ADAMTSL1: variants seen among roughly 807,000 people sequenced by gnomAD.
The protein encoded by ADAMTSL1 is ADAMTS like 1, also known as ADAMTS-like protein 1.
A neutral mutation model predicts 201.8 loss-of-function variants in ADAMTSL1; 126 were observed. The ratio of observed to expected loss-of-function variants is 0.62; its 90% CI spans 0.54 to 0.72. ADAMTSL1 has a LOEUF of 0.72. Ranked by LOEUF, ADAMTSL1 falls within the 30% of genes least tolerant of loss-of-function variation. ADAMTSL1 has a pLI of 0.00. For missense variants in ADAMTSL1, 2,679 were observed against 2,277.8 expected (o/e 1.18, Z -3.59); for synonymous variants, 1,121 against 903.4 (o/e 1.24, Z -4.32).
intron 2 of ADAMTSL1, among the ~76,000 whole-genome samples, chr9:18,419,216 A>G (rs1818828756): frequency 6.6e-6 from 1 of 152,246 alleles, no homozygotes; most frequent in South Asian, 2.1e-4. Context: ...TCATTTATCT[A>G]AGTTCAAAGT....
chr9:18,033,061 C>G (rs995446330), intron 1 of ADAMTSL1, among the ~76,000 whole-genome samples: 3 of 152,124 alleles, frequency 2.0e-5, no homozygotes, highest in Non-Finnish European at 2.9e-5. Flanking sequence ...GCCATCTTGT[C>G]CCTTCCCAAT....
chr9:18,730,098 T>G (rs1184137984), intron 15 of ADAMTSL1, among the ~76,000 whole-genome samples: 1 of 152,220 alleles, frequency 6.6e-6, no homozygotes, highest in East Asian at 1.9e-4. Context: ...GGTAACAATT[T>G]AAGAGCAGGC....
At chr9:18,701,610 A>C (rs1831927585) in intron 13 of ADAMTSL1, among the ~76,000 whole-genome samples, 1 of 152,146 alleles carries the variant, frequency 6.6e-6, no homozygotes, top group African/African-American at 2.4e-5. Context: ...ACACAAACAT[A>C]CACCAAATCA....
intron 1 of ADAMTSL1, among the ~76,000 whole-genome samples, chr9:18,067,769 T>C (rs918923381): frequency 1.3e-5 from 2 of 152,012 alleles, no homozygotes; most frequent in African/African-American, 4.8e-5. Flanking sequence ...AAATAAGATC[T>C]ATGGAGGAAG....
intron 2 of ADAMTSL1, among the ~76,000 whole-genome samples, chr9:18,164,846 A>T (rs2132098464): frequency 6.6e-6 from 1 of 151,974 alleles, no homozygotes; most frequent in South Asian, 2.1e-4. Flanking sequence ...ATATTGTGTC[A>T]CATGTGTTTC....
intron 15 of ADAMTSL1, among the ~76,000 whole-genome samples, chr9:18,728,081 AAAATAAATAAATAAATAAAT>A (rs61237330): frequency 5.7e-4 from 82 of 144,068 alleles, no homozygotes; most frequent in Middle Eastern, 3.5e-3. Flanking sequence ...CTCTGTCTCA[AAAATAAATAAATAAATAAAT>A]AAATAAATAA....
chr9:18,431,107 A>T (rs60521848), intron 2 of ADAMTSL1, among the ~76,000 whole-genome samples: 2,081 of 152,318 alleles, frequency 0.014, 50 homozygotes, highest in African/African-American at 0.046. Flanking sequence ...CACTACACAC[A>T]TGCCACACCT....
chr9:18,053,428 A>G (rs765373121), intron 1 of ADAMTSL1, among the ~76,000 whole-genome samples: 5 of 152,248 alleles, frequency 3.3e-5, no homozygotes, highest in Non-Finnish European at 7.3e-5. Context: ...GTATTTCTAG[A>G]AATTATATGA....
At chr9:18,026,184 C>T (rs57471476) in intron 1 of ADAMTSL1, among the ~76,000 whole-genome samples, 4,342 of 151,914 alleles carry the variant, frequency 0.029, 99 homozygotes, top group African/African-American at 0.068. Flanking sequence ...TTTTTCTATT[C>T]GGATGTCTTT....
chr9:18,294,045 T>C (rs1028727420), intron 2 of ADAMTSL1, among the ~76,000 whole-genome samples: 13 of 152,230 alleles, frequency 8.5e-5, no homozygotes, highest in Non-Finnish European at 1.5e-4. Flanking sequence ...TCCAGCTGCA[T>C]GGGCTTACGA....
intron 3 of ADAMTSL1, among the ~76,000 whole-genome samples, chr9:18,544,905 A>G (rs1325463907): frequency 6.6e-6 from 1 of 152,228 alleles, no homozygotes; most frequent in Non-Finnish European, 1.5e-5. Context: ...CAACTGATGA[A>G]GAGAATTAAG....
intron 1 of ADAMTSL1, among the ~76,000 whole-genome samples, chr9:17,985,573 T>C (rs1435773393): frequency 6.6e-6 from 1 of 152,146 alleles, no homozygotes; most frequent in Non-Finnish European, 1.5e-5. Context: ...ATTGGTTGAC[T>C]GAAATGTAGA....
intron 1 of ADAMTSL1, among the ~76,000 whole-genome samples, chr9:18,021,786 G>A (rs901332219): frequency 1.3e-5 from 2 of 152,032 alleles, no homozygotes; most frequent in Admixed American, 6.5e-5. Context: ...TAAGCTTATT[G>A]CAGATGTGGA....
intron 1 of ADAMTSL1, among the ~76,000 whole-genome samples, chr9:18,098,720 T>C (rs947289630): frequency 1.3e-5 from 2 of 152,324 alleles, no homozygotes; most frequent in Non-Finnish European, 2.9e-5. Flanking sequence ...CTGGTTAGAA[T>C]TCTGGGCACC....
intron 1 of ADAMTSL1, among the ~76,000 whole-genome samples, chr9:18,160,415 C>G (rs1415900033): frequency 6.6e-6 from 1 of 151,968 alleles, no homozygotes; most frequent in Non-Finnish European, 1.5e-5. Flanking sequence ...GGCCCCTAAT[C>G]CTAACATAGC....
At chr9:18,509,653 G>A (rs1374081147) in intron 2 of ADAMTSL1, among the ~76,000 whole-genome samples, 3 of 152,212 alleles carry the variant, frequency 2.0e-5, no homozygotes, top group African/African-American at 7.2e-5. Flanking sequence ...CATAGTGATA[G>A]CAGAGGTGTA....
At chr9:18,342,995 T>C (rs1329801277) in intron 2 of ADAMTSL1, among the ~76,000 whole-genome samples, 2 of 152,052 alleles carry the variant, frequency 1.3e-5, no homozygotes, top group Non-Finnish European at 2.9e-5. Context: ...ACTGCACCCA[T>C]TTTTCATTAT....
rs577004795 is a variant in ADAMTSL1, at chr9:18,352,630, C to T, written c.208-152199C>T. On this transcript the variant is annotated intron_variant, in intron 2 of 29. Transcript: ENST00000680146. Reference sequence around the variant, plus strand: ...TCCCTTTGCCTTTGTACTTTATTAACGTATTACTCTATTTTCCACCCATAT... The same window carrying T: ...TCCCTTTGCCTTTGTACTTTATTAATGTATTACTCTATTTTCCACCCATAT... 8.5e-5 allele frequency among the ~76,000 whole-genome samples: 13 copies of T among 152,270 alleles called. No individual in the cohort carries two copies. In the South Asian group the frequency reaches 1.2e-3, roughly 15 times the overall value.
intron 23 of ADAMTSL1, among the ~76,000 whole-genome samples, chr9:18,841,078 A>G (rs1260433169): frequency 6.7e-6 from 1 of 149,226 alleles, no homozygotes; most frequent in Non-Finnish European, 1.5e-5. Context: ...ACTATGTTGA[A>G]TAGGAGTGGT....
Sources: gnomAD v4.1 joint callset for allele counts (sites outside exome capture counted in the v4.1 genomes callset) on GRCh38, gnomAD v4.1.1 for gene constraint, MANE v1.5 for transcripts, NCBI Gene and HGNC (gene_info 2026-07-23, HGNC 2026-07-21) for gene names.